The following KLHL1 variants were observed in gnomAD, a reference collection of about 807,000 sequenced individuals.
KLHL1 encodes kelch-like protein 1.
Under a neutral mutation model 77.7 loss-of-function variants are expected in KLHL1, and 47 were observed. That is an observed-to-expected ratio of 0.60 (90% CI 0.48 to 0.77). KLHL1 has a LOEUF of 0.77. Ranked by LOEUF, KLHL1 falls within the 30% of genes least tolerant of loss-of-function variation. The probability of loss-of-function intolerance (pLI) is 0.00; values close to 1 mark genes in which losing one functional copy is unlikely to be tolerated. For synonymous variants in KLHL1, 360 were observed against 325.2 expected (o/e 1.11, Z -1.15); for missense variants, 925 against 910.8 (o/e 1.02, Z -0.20).
At chr13:70,056,708 T>C (rs1025869201) in intron 1 of KLHL1, among the ~76,000 whole-genome samples, 2 of 152,112 alleles carry the variant, frequency 1.3e-5, no homozygotes, top group East Asian at 1.9e-4. Flanking sequence ...TTAAACAATA[T>C]GCTCCTGAAT....
intron 7 of KLHL1, among the ~76,000 whole-genome samples, chr13:69,772,071 C>T (rs954797826): frequency 6.6e-6 from 1 of 152,108 alleles, no homozygotes; most frequent in Non-Finnish European, 1.5e-5. Context: ...CCTGCCTTTG[C>T]CTCCCGAGTA....
At chr13:70,062,163 G>T (rs1165348677) in intron 1 of KLHL1, among the ~76,000 whole-genome samples, 1 of 152,028 alleles carries the variant, frequency 6.6e-6, no homozygotes, top group East Asian at 1.9e-4. Flanking sequence ...TGGGAAGCAC[G>T]CTTGTATTTT....
intron 3 of KLHL1, among the ~76,000 whole-genome samples, chr13:69,943,258 AAAG>A (rs1373333577): frequency 6.6e-6 from 1 of 151,990 alleles, no homozygotes; most frequent in Non-Finnish European, 1.5e-5. Flanking sequence ...TTTTATAATT[AAAG>A]AAGAATTTGT....
chr13:69,831,032 T>C (rs2138094468), intron 6 of KLHL1, among the ~76,000 whole-genome samples: 1 of 148,398 alleles, frequency 6.7e-6, no homozygotes, highest in East Asian at 2.0e-4. Context: ...AGATCACACT[T>C]CAAGGAGCTA....
chr13:70,052,672 A>G (rs1220371200), intron 1 of KLHL1, among the ~76,000 whole-genome samples: 1 of 151,844 alleles, frequency 6.6e-6, no homozygotes, highest in Non-Finnish European at 1.5e-5. Flanking sequence ...ATTTCCCCTT[A>G]AAAGAGAAAA....
At chr13:70,002,969 C>T (rs1177396629) in intron 1 of KLHL1, among the ~76,000 whole-genome samples, 1 of 151,606 alleles carries the variant, frequency 6.6e-6, no homozygotes, top group Admixed American at 6.6e-5. Context: ...ATACTACCTA[C>T]ATACTTGGAG....
intron 3 of KLHL1, among the ~76,000 whole-genome samples, chr13:69,950,928 C>T (rs1283583669): frequency 6.6e-6 from 1 of 151,558 alleles, no homozygotes; most frequent in Non-Finnish European, 1.5e-5. Flanking sequence ...TGGCTAAATA[C>T]TGAAGATGTC....
chr13:69,852,196 A>G (rs1200997434), intron 5 of KLHL1, among the ~76,000 whole-genome samples: 2 of 151,940 alleles, frequency 1.3e-5, no homozygotes, highest in Admixed American at 6.6e-5. Flanking sequence ...CCTTAAGCAT[A>G]GCTTCCTTGA....
intron 5 of KLHL1, among the ~76,000 whole-genome samples, chr13:69,846,363 A>C (rs955042471): frequency 6.6e-6 from 1 of 151,548 alleles, no homozygotes; most frequent in Non-Finnish European, 1.5e-5. Flanking sequence ...AAACATGACC[A>C]GGAAATATAT....
chr13:70,098,475 A>G (rs1021681604), intron 1 of KLHL1, among the ~76,000 whole-genome samples: 1 of 151,864 alleles, frequency 6.6e-6, no homozygotes, highest in African/African-American at 2.4e-5. Context: ...AGTCATTGAA[A>G]TTTACTACAA....
intron 4 of KLHL1, among the ~76,000 whole-genome samples, chr13:69,923,933 G>C (rs1882726086): frequency 6.6e-6 from 1 of 152,210 alleles, no homozygotes; most frequent in Admixed American, 6.5e-5. Flanking sequence ...CCACAGGCTT[G>C]AAAGTGCCTG....
chr13:70,106,058 T>A (rs554735240), intron 1 of KLHL1, among the ~76,000 whole-genome samples: 2 of 151,270 alleles, frequency 1.3e-5, no homozygotes, highest in East Asian at 3.9e-4. Context: ...GTCAGCATAA[T>A]TAGGGAGCAC....
At chr13:69,862,429 C>G (rs1429875965) in intron 5 of KLHL1, among the ~76,000 whole-genome samples, 1 of 152,038 alleles carries the variant, frequency 6.6e-6, no homozygotes, top group African/African-American at 2.4e-5. Context: ...TACTTTAATT[C>G]CTACCCTTAA....
At chr13:69,859,378 G>A (rs543359001) in intron 5 of KLHL1, among the ~76,000 whole-genome samples, 2 of 151,916 alleles carry the variant, frequency 1.3e-5, no homozygotes, top group Admixed American at 6.6e-5. Context: ...ATAAGCAGAA[G>A]GTCAGGGGGT....
In KLHL1 at chr13:69,822,097, G is replaced by T. The variant is rs573926847; in HGVS notation, c.1414+16879C>A. On this transcript the variant is annotated intron_variant, in intron 6 of 10. Coordinates refer to ENST00000377844, the MANE Select transcript of KLHL1 (RefSeq NM_020866.3). ...GCTTGTAATCCCAGCTACTTGGGAG[G>T]CTGAGGCAGGAGAATCGCTTGAACC... 7.3e-5 allele frequency among the ~76,000 whole-genome samples: 11 copies of T among 151,642 alleles called. No homozygotes were observed. In the South Asian group the frequency reaches 2.3e-3, roughly 32 times the overall value.
At chr13:69,752,471 T>C (rs1874528566) in intron 7 of KLHL1, among the ~76,000 whole-genome samples, 2 of 152,188 alleles carry the variant, frequency 1.3e-5, no homozygotes, top group African/African-American at 4.8e-5. Flanking sequence ...TCAAGGATGA[T>C]TTCATGTGGT....
chr13:69,868,516 T>G (rs1880458111), intron 5 of KLHL1, among the ~76,000 whole-genome samples: 1 of 152,160 alleles, frequency 6.6e-6, no homozygotes, highest in Admixed American at 6.6e-5. Context: ...TATTAAATTT[T>G]ACTTAAATAT....
At chr13:69,949,599 C>T (rs1184531561) in intron 3 of KLHL1, among the ~76,000 whole-genome samples, 1 of 151,752 alleles carries the variant, frequency 6.6e-6, no homozygotes, top group Non-Finnish European at 1.5e-5. Flanking sequence ...TATGCACAGC[C>T]TACACTTACG....
chr13:69,992,110 C>T (rs1406072275), intron 1 of KLHL1, among the ~76,000 whole-genome samples: 1 of 151,824 alleles, frequency 6.6e-6, no homozygotes, highest in Non-Finnish European at 1.5e-5. Context: ...TAGTATATGT[C>T]CTGGCCAGAA....
Sources: allele counts gnomAD v4.1 joint callset (sites outside exome capture counted in the v4.1 genomes callset), GRCh38; gene constraint gnomAD v4.1.1; transcripts MANE v1.5; gene names NCBI Gene and HGNC (gene_info 2026-07-23, HGNC 2026-07-21).